ARHGAP10: variants seen among roughly 807,000 people sequenced by gnomAD.
ARHGAP10 encodes the protein Rho GTPase activating protein 10.
Under a neutral mutation model 108.6 loss-of-function variants are expected in ARHGAP10, and 87 were observed. The ratio of observed to expected loss-of-function variants is 0.80; its 90% CI spans 0.67 to 0.96. The LOEUF is 0.96. ARHGAP10 is among the 40% of genes least tolerant of loss of function. The pLI, the probability that ARHGAP10 is intolerant of heterozygous loss-of-function variation, is 0.00. For synonymous variants in ARHGAP10, 347 were observed against 341.1 expected, an observed-to-expected ratio of 1.02 and a Z score of -0.19; for missense variants, 939 against 954.5, an observed-to-expected ratio of 0.98 and a Z score of 0.21.
At chr4:148,002,931 C>T (rs986794672) in intron 18 of ARHGAP10, among the ~76,000 whole-genome samples, 6 of 152,068 alleles carry the variant, frequency 3.9e-5, no homozygotes, top group African/African-American at 1.2e-4. Flanking sequence ...CTGCTCTGAT[C>T]TTAGTTATTT....
intron 1 of ARHGAP10, among the ~76,000 whole-genome samples, chr4:147,800,433 G>C (rs1389821749): frequency 6.6e-6 from 1 of 152,242 alleles, no homozygotes. Flanking sequence ...TGCATATGTC[G>C]AGGCTCCCCT....
intron 4 of ARHGAP10, among the ~76,000 whole-genome samples, chr4:147,855,144 A>G (rs936357621): frequency 6.6e-6 from 1 of 152,240 alleles, no homozygotes; most frequent in African/African-American, 2.4e-5. Flanking sequence ...TTGTGGGCAA[A>G]TGCAGGGGCC....
chr4:147,975,336 C>T (rs889310961), intron 18 of ARHGAP10, among the ~76,000 whole-genome samples: 3 of 151,890 alleles, frequency 2.0e-5, no homozygotes, highest in African/African-American at 4.8e-5. Flanking sequence ...TCAAAGTCCC[C>T]GAGTAGTGTG....
chr4:148,019,484 G>C (rs1741481210), intron 18 of ARHGAP10, among the ~76,000 whole-genome samples: 2 of 152,118 alleles, frequency 1.3e-5, no homozygotes, highest in South Asian at 4.2e-4. Flanking sequence ...GGGCATGGTG[G>C]CTCACACCTG....
intron 1 of ARHGAP10, among the ~76,000 whole-genome samples, chr4:147,816,805 A>G (rs543690545): frequency 7.2e-5 from 11 of 152,350 alleles, no homozygotes; most frequent in African/African-American, 2.6e-4. Context: ...AAGCTAGTCT[A>G]CAATCCTAGA....
intron 19 of ARHGAP10, among the ~76,000 whole-genome samples, chr4:148,034,206 G>A (rs560900652): frequency 7.2e-5 from 11 of 152,240 alleles, no homozygotes; most frequent in African/African-American, 2.2e-4. Context: ...CTTCAGATAC[G>A]CTTTCATGTT....
Position 147,732,415 on chromosome 4 carries a change from G to C in ARHGAP10, c.114G>C (p.Glu38Asp). 6.2e-7 allele frequency: 1 copy of C among 1,613,000 alleles called. No homozygotes were observed. The highest frequency in any genetic ancestry group is 2.2e-5 in the East Asian group (1 of 44,796). Reference sequence around the variant, plus strand: ...AGAGGACCAACAAGTTCATCAAAGAGCTCATTAAGGACGGGAAGAACCTCA... The same window carrying C: ...AGAGGACCAACAAGTTCATCAAAGACCTCATTAAGGACGGGAAGAACCTCA... Reference protein sequence around the residue: ...ELERTNKFIKELIKDGKNLIA... With the variant: ...ELERTNKFIKDLIKDGKNLIA... Residue 38 changes from glutamate (E) to aspartate (D), a missense_variant, in exon 1 of 23, where the codon GAG (glutamate) becomes GAC (aspartate). Transcript: ENST00000336498.
chr4:148,024,775 T>C (rs1741703653), intron 19 of ARHGAP10, among the ~76,000 whole-genome samples: 1 of 152,196 alleles, frequency 6.6e-6, no homozygotes, highest in South Asian at 2.1e-4. Context: ...GCAGAGTTGT[T>C]AATAAGGAGT....
intron 16 of ARHGAP10, among the ~76,000 whole-genome samples, chr4:147,964,504 G>A (rs768055757): frequency 2.0e-5 from 3 of 152,106 alleles, no homozygotes; most frequent in Non-Finnish European, 4.4e-5. Context: ...TTTCATGCAT[G>A]CCTTAGCATA....
intron 18 of ARHGAP10, among the ~76,000 whole-genome samples, chr4:147,975,392 G>A (rs1284439329): frequency 1.3e-5 from 2 of 152,114 alleles, no homozygotes; most frequent in East Asian, 3.9e-4. Flanking sequence ...TAGGGAGAAG[G>A]GCATATGTGT....
chr4:147,747,050 A>G (rs976353997), intron 1 of ARHGAP10, among the ~76,000 whole-genome samples: 1 of 152,208 alleles, frequency 6.6e-6, no homozygotes, highest in African/African-American at 2.4e-5. Context: ...AAAGGAGTTA[A>G]ATGTTTGGGT....
chr4:147,833,682 C>A (rs1487986404), intron 3 of ARHGAP10, among the ~76,000 whole-genome samples: 2 of 152,088 alleles, frequency 1.3e-5, no homozygotes, highest in African/African-American at 4.8e-5. Context: ...TTTCAAAGAG[C>A]TTTTTCAATG....
chr4:148,069,030 T>C (rs76778483), intron 22 of ARHGAP10, among the ~76,000 whole-genome samples: 5,690 of 152,114 alleles, frequency 0.037, 366 homozygotes, highest in African/African-American at 0.13. Flanking sequence ...GAGACTGCCA[T>C]GTTCTCCACC....
intron 19 of ARHGAP10, among the ~76,000 whole-genome samples, chr4:148,033,888 C>T (rs1301780194): frequency 1.3e-5 from 2 of 152,152 alleles, no homozygotes; most frequent in Admixed American, 6.5e-5. Flanking sequence ...GCTGCTTTCT[C>T]ATGGTTACGT....
chr4:147,829,949 A>G (rs1272304171), intron 3 of ARHGAP10, among the ~76,000 whole-genome samples: 1 of 152,102 alleles, frequency 6.6e-6, no homozygotes, highest in African/African-American at 2.4e-5. Context: ...GTGCCAGGAG[A>G]GAGAAGGTGG....
chr4:147,984,857 C>A (rs1739969886), intron 18 of ARHGAP10, among the ~76,000 whole-genome samples: 1 of 152,158 alleles, frequency 6.6e-6, no homozygotes, highest in South Asian at 2.1e-4. Flanking sequence ...GTGGAGTGCA[C>A]AGTGGTCTGA....
chr4:147,736,262 G>T (rs984890431), intron 1 of ARHGAP10, among the ~76,000 whole-genome samples: 1 of 152,042 alleles, frequency 6.6e-6, no homozygotes, highest in Non-Finnish European at 1.5e-5. Context: ...TAGGTCTTCC[G>T]ACTTGGTTTT....
At chr4:148,000,390 G>A (rs1290662650) in intron 18 of ARHGAP10, among the ~76,000 whole-genome samples, 2 of 152,152 alleles carry the variant, frequency 1.3e-5, no homozygotes, top group Non-Finnish European at 2.9e-5. Flanking sequence ...TAAACATAGT[G>A]TGCATGTGTC....
intron 10 of ARHGAP10, 131 bp downstream of exon 10, chr4:147,882,063 G>A: frequency 1.2e-6 from 1 of 820,158 alleles, no homozygotes; most frequent in South Asian, 1.7e-5. Flanking sequence ...TCCAGGCTGT[G>A]TGTTCATTAT....
Sources: gnomAD v4.1 joint callset for allele counts (sites outside exome capture counted in the v4.1 genomes callset) on GRCh38, gnomAD v4.1.1 for gene constraint, MANE v1.5 for transcripts, NCBI Gene and HGNC (gene_info 2026-07-23, HGNC 2026-07-21) for gene names.